Variants in GRB10 observed in about 807,000 individuals in gnomAD.
GRB10 encodes growth factor receptor bound protein 10.
A neutral mutation model predicts 80.9 loss-of-function variants in GRB10; 20 were observed. The observed-to-expected ratio is 0.25, with a 90% CI of 0.17 to 0.36. The LOEUF (loss-of-function observed/expected upper bound fraction) is 0.36. Among genes scored for constraint, GRB10 ranks in the 10% least tolerant of loss-of-function variants. The pLI, the probability that GRB10 is intolerant of heterozygous loss-of-function variation, is 1.00. For missense variants in GRB10, 548 were observed against 747.7 expected, an observed-to-expected ratio of 0.73 and a Z score of 3.12; for synonymous variants, 291 against 291.5, an observed-to-expected ratio of 1.00 and a Z score of 0.02.
At chr7:50,674,407 A>G (rs1322713229) in intron 6 of GRB10, 29 bp downstream of exon 6, 1 of 1,592,382 alleles carries the variant, frequency 6.3e-7, no homozygotes, top group Non-Finnish European at 8.5e-7. Flanking sequence ...ATCCTTGGAG[A>G]AGGCTCTGCC....
intron 6 of GRB10, among the ~76,000 whole-genome samples, chr7:50,671,363 C>T (rs1329125411): frequency 6.6e-6 from 1 of 152,172 alleles, no homozygotes; most frequent in Non-Finnish European, 1.5e-5. Flanking sequence ...GGAGATTTGC[C>T]ACTACAGAAA....
chr7:50,655,081 T>C (rs2058495508), intron 7 of GRB10, among the ~76,000 whole-genome samples: 2 of 152,208 alleles, frequency 1.3e-5, no homozygotes, highest in Admixed American at 6.5e-5. Context: ...TTGGCTTTTG[T>C]TTCTGTGGGG....
chr7:50,734,580 T>C (rs368500097), intron 3 of GRB10, among the ~76,000 whole-genome samples: 2 of 152,238 alleles, frequency 1.3e-5, no homozygotes, highest in Non-Finnish European at 1.5e-5. Context: ...GTTTGACATA[T>C]AGAAATATGT....
At chr7:50,719,522 CG>C in intron 4 of GRB10, among the ~76,000 whole-genome samples, 1 of 26,738 alleles carries the variant, frequency 3.7e-5, no homozygotes, top group Middle Eastern at 0.022. Flanking sequence ...TGGGGCCTGT[CG>C]GGGGTAGGGG....
chr7:50,647,369 GT>G (rs1419637764), intron 7 of GRB10, among the ~76,000 whole-genome samples: 11 of 151,918 alleles, frequency 7.2e-5, no homozygotes, highest in African/African-American at 2.4e-4. Flanking sequence ...TTGAAAAAAT[GT>G]TTTCAGATTT....
chr7:50,747,550 C>A (rs935134661), intron 3 of GRB10: 7 of 152,196 alleles, frequency 4.6e-5, no homozygotes, highest in Admixed American at 6.5e-5. Context: ...CTCCATTTCA[C>A]CCCCAGAGCT....
chr7:50,604,144 TG>T, intron 16 of GRB10, 59 bp from the exon 17 acceptor site: 1 of 1,443,056 alleles, frequency 6.9e-7, no homozygotes, highest in Admixed American at 1.7e-5. Flanking sequence ...ATGGCTTCCC[TG>T]ACAGCACAAC....
At chr7:50,631,268 T>C (rs1201417064) in intron 7 of GRB10, among the ~76,000 whole-genome samples, 2 of 152,128 alleles carry the variant, frequency 1.3e-5, no homozygotes, top group Non-Finnish European at 2.9e-5. Context: ...GTAATCGCCT[T>C]GTAAAAATAG....
rs529172544 is a variant in GRB10, at chr7:50,671,776, T to C, written c.363-1913A>G. Among the ~76,000 whole-genome samples the C allele has an allele frequency of 9.2e-5, 14 of 152,404 alleles. No homozygotes were observed. The South Asian group carries it at 2.7e-3, about 29-fold the overall frequency. Reference sequence around the variant, plus strand: ...GTTTTAGTGTCCACAAAAGCTTCTCTATTTATTGGGTTGTTTTGAGCATTT... The same window carrying C: ...GTTTTAGTGTCCACAAAAGCTTCTCCATTTATTGGGTTGTTTTGAGCATTT... On this transcript the variant is annotated intron_variant, in intron 6 of 18. Transcript: ENST00000401949.
intron 3 of GRB10, among the ~76,000 whole-genome samples, chr7:50,746,329 AC>A (rs2072891369): frequency 6.6e-6 from 1 of 152,152 alleles, no homozygotes; most frequent in Non-Finnish European, 1.5e-5. Flanking sequence ...AAACAGTCAA[AC>A]CGTCATTAAA....
chr7:50,604,413 C>T (rs760491968), intron 15 of GRB10, 36 bp from the exon 16 acceptor site: 14 of 1,535,460 alleles, frequency 9.1e-6, no homozygotes, highest in African/African-American at 1.4e-5. Flanking sequence ...CCGAGGACAG[C>T]AGACAGACAC....
intron 5 of GRB10, among the ~76,000 whole-genome samples, chr7:50,688,662 A>C (rs1051086872): frequency 2.6e-4 from 40 of 152,156 alleles, no homozygotes; most frequent in African/African-American, 9.6e-4. Flanking sequence ...TAGGCCACTG[A>C]ATCCCACTCT....
intron 2 of GRB10, among the ~76,000 whole-genome samples, chr7:50,774,328 GTA>G (rs2077355081): frequency 1.3e-5 from 2 of 152,224 alleles, no homozygotes; most frequent in African/African-American, 2.4e-5. Flanking sequence ...TATATACAAT[GTA>G]TGTGTGTGTG....
At chr7:50,604,194 A>G in intron 16 of GRB10, 109 bp from the exon 17 acceptor site, 2 of 1,293,896 alleles carry the variant, frequency 1.5e-6, no homozygotes, top group African/African-American at 1.5e-5. Context: ...TCCCCCAGCT[A>G]CAGCTTGTGT....
At chr7:50,710,855 G>A (rs750328365) in intron 4 of GRB10, 14 of 1,611,958 alleles carry the variant, frequency 8.7e-6, no homozygotes, top group East Asian at 2.2e-5. Context: ...CTGAGTGTTC[G>A]GTAGACAGCG....
In GRB10 at chr7:50,671,070, A is replaced by G. The variant is rs937600326; in HGVS notation, c.363-1207T>C. On this transcript the variant is annotated intron_variant, in intron 6 of 18. Coordinates refer to ENST00000401949, the MANE Select transcript of GRB10 (RefSeq NM_001350814.2). The stretch of plus-strand genomic sequence containing the variant: ...AAGTTCAAAGTCAAAGCGAATGTCA[A>G]GTGTCTGGCACCTCCCCTCTGTAGA... Among the ~76,000 whole-genome samples, 4 of 152,190 alleles carry G rather than the reference A, an allele frequency of 2.6e-5. No homozygotes were observed. In the East Asian group the frequency reaches 5.8e-4, roughly 22 times the overall value.
At chr7:50,684,267 C>CAAAAAAAAAAA (rs386410128) in intron 5 of GRB10, among the ~76,000 whole-genome samples, 2 of 62,294 alleles carry the variant, frequency 3.2e-5, no homozygotes, top group Non-Finnish European at 5.4e-5. Context: ...CAATCATCAC[C>CAAAAAAAAAAA]AAAAAAAAAA....
chr7:50,684,958 G>A (rs186339081), intron 5 of GRB10, among the ~76,000 whole-genome samples: 3 of 152,190 alleles, frequency 2.0e-5, no homozygotes, highest in Non-Finnish European at 2.9e-5. Context: ...ATATTAGCCC[G>A]AGAACACTGG....
chr7:50,648,648 A>G (rs1396170511), intron 7 of GRB10, among the ~76,000 whole-genome samples: 1 of 151,972 alleles, frequency 6.6e-6, no homozygotes, highest in African/African-American at 2.4e-5. Context: ...TTTCCAGTTG[A>G]CCACATCCCT....
Sources: gnomAD v4.1 joint callset for allele counts (sites outside exome capture counted in the v4.1 genomes callset) on GRCh38, gnomAD v4.1.1 for gene constraint, MANE v1.5 for transcripts, NCBI Gene and HGNC (gene_info 2026-07-23, HGNC 2026-07-21) for gene names.